Variants in SARNP observed in about 807,000 individuals in gnomAD.
The protein encoded by SARNP is SAP domain containing ribonucleoprotein, also known as SAP domain-containing ribonucleoprotein.
In SARNP, 5 loss-of-function variants were observed where a neutral mutation model predicts 38.1. The ratio of observed to expected loss-of-function variants is 0.13; its 90% confidence interval spans 0.07 to 0.28. The LOEUF is 0.28. SARNP is among the 10% of genes least tolerant of loss of function. The probability of loss-of-function intolerance (pLI) is 1.00; values close to 1 mark genes in which losing one functional copy is unlikely to be tolerated. For synonymous variants in SARNP, 84 were observed against 80.6 expected, an observed-to-expected ratio of 1.04 and a Z score of -0.23; for missense variants, 180 against 243.9, an observed-to-expected ratio of 0.74 and a Z score of 1.75.
At chr12:55,788,807 A>AAAAG (rs1215372576) in intron 9 of SARNP, among the ~76,000 whole-genome samples, 25 of 152,192 alleles carry the variant, frequency 1.6e-4, no homozygotes, top group African/African-American at 5.5e-4. Flanking sequence ...CAAAGGAAAA[A>AAAAG]AAAGAAAGAA....
Position 55,817,671 on chromosome 12 carries a change from G to C in SARNP, c.31C>G (p.Leu11Val). MATETVELHK[L>V]KLAELKQECL... Reference sequence around the variant, plus strand: ...CCTTCCCCGATTCACGGTACCTTTAGCTTATGGAGCTCCACCGTCTCGGTC... The same window carrying C: ...CCTTCCCCGATTCACGGTACCTTTACCTTATGGAGCTCCACCGTCTCGGTC... The change falls in exon 1 of 11, where the codon CTA becomes GTA. Residue 11 changes from leucine to valine, a missense_variant. Physicochemically the swap from Leu to Val is conservative, Grantham distance 32. Coordinates refer to ENST00000336133, the MANE Select transcript of SARNP (RefSeq NM_033082.4). The C allele has an allele frequency of 6.2e-7, 1 of 1,612,676 alleles. No homozygotes were observed.
intron 4 of SARNP, among the ~76,000 whole-genome samples, chr12:55,796,662 C>A (rs1017972473): frequency 1.3e-5 from 2 of 152,170 alleles, no homozygotes; most frequent in African/African-American, 4.8e-5. Flanking sequence ...CTCGGCCTCC[C>A]AAAGTACTGG....
chr12:55,795,360 T>G (rs1879791112), intron 5 of SARNP, among the ~76,000 whole-genome samples: 1 of 152,102 alleles, frequency 6.6e-6, no homozygotes. Context: ...TGCTAGGACT[T>G]AACGGCCCTT....
intron 9 of SARNP, among the ~76,000 whole-genome samples, chr12:55,767,708 A>G (rs147093266): frequency 0.046 from 6,948 of 151,692 alleles, 205 homozygotes; most frequent in East Asian, 0.11. Context: ...TTAGCCAGGC[A>G]TGGTGGCGGG....
At chr12:55,799,345 G>C (rs756115075) in intron 4 of SARNP, among the ~76,000 whole-genome samples, 22 of 152,166 alleles carry the variant, frequency 1.4e-4, no homozygotes, top group Non-Finnish European at 3.2e-4. Flanking sequence ...AAAATGGCCA[G>C]ACATTTGTGG....
At chr12:55,810,198 G>A (rs1191868798) in intron 1 of SARNP, among the ~76,000 whole-genome samples, 2 of 151,990 alleles carry the variant, frequency 1.3e-5, no homozygotes, top group South Asian at 2.1e-4. Context: ...CTGCAGCCTC[G>A]ACCTCCTGGG....
intron 1 of SARNP, among the ~76,000 whole-genome samples, chr12:55,807,178 A>T (rs1212260621): frequency 1.3e-5 from 2 of 152,190 alleles, no homozygotes; most frequent in Non-Finnish European, 1.5e-5. Context: ...TAACAATAAA[A>T]ATCAATTACT....
At chr12:55,814,721 T>G (rs993111291) in intron 1 of SARNP, among the ~76,000 whole-genome samples, 1 of 151,764 alleles carries the variant, frequency 6.6e-6, no homozygotes, top group Non-Finnish European at 1.5e-5. Context: ...ATACAAAAAT[T>G]AGCCAGGCAT....
Position 55,797,117 on chromosome 12 carries a change from C to T in SARNP, c.252-1041G>A, listed in dbSNP as rs573517109. ...AAGGTCCCTCATTTAGAGACATGGG[C>T]AGCTTTTGTTCCAATATCCTGAACA... On this transcript the variant is annotated intron_variant, in intron 4 of 10. Transcript: ENST00000336133. Among the ~76,000 whole-genome samples, 6 of 152,328 alleles carry T rather than the reference C, an allele frequency of 3.9e-5. No individual in the cohort carries two copies. The East Asian group carries it at 1.2e-3, about 29-fold the overall frequency.
At chr12:55,779,511 C>G (rs1432899279) in intron 9 of SARNP, among the ~76,000 whole-genome samples, 4 of 152,174 alleles carry the variant, frequency 2.6e-5, no homozygotes, top group African/African-American at 9.7e-5. Flanking sequence ...ATTCTTCTAC[C>G]ACTACTTCCT....
chr12:55,810,751 C>A (rs1429819605), intron 1 of SARNP, among the ~76,000 whole-genome samples: 1 of 151,532 alleles, frequency 6.6e-6, no homozygotes, highest in Non-Finnish European at 1.5e-5. Flanking sequence ...CCACACCCGG[C>A]CAAATTTTGA....
At chr12:55,785,518 G>GGT (rs1424444608) in intron 9 of SARNP, among the ~76,000 whole-genome samples, 1 of 151,466 alleles carries the variant, frequency 6.6e-6, no homozygotes, top group Non-Finnish European at 1.5e-5. Context: ...GGCCATGTGC[G>GGT]GTGGCTCACG....
At chr12:55,798,827 C>G (rs969020062) in intron 4 of SARNP, among the ~76,000 whole-genome samples, 1 of 152,122 alleles carries the variant, frequency 6.6e-6, no homozygotes, top group Non-Finnish European at 1.5e-5. Flanking sequence ...TTTGTATATA[C>G]TTGTAATTTC....
intron 9 of SARNP, among the ~76,000 whole-genome samples, chr12:55,786,081 A>G (rs1879484281): frequency 6.6e-6 from 1 of 152,242 alleles, no homozygotes; most frequent in African/African-American, 2.4e-5. Context: ...TCTGTGGACT[A>G]AAAATGAAAA....
At chr12:55,763,728 C>G (rs1878745449) in intron 9 of SARNP, among the ~76,000 whole-genome samples, 1 of 152,178 alleles carries the variant, frequency 6.6e-6, no homozygotes, top group Admixed American at 6.5e-5. Flanking sequence ...GCTGGGATTA[C>G]AGGTGTGAGC....
intron 1 of SARNP, among the ~76,000 whole-genome samples, chr12:55,814,856 G>A (rs1176827095): frequency 6.7e-6 from 1 of 149,830 alleles, no homozygotes; most frequent in East Asian, 1.9e-4. Flanking sequence ...GCGACAGAGC[G>A]AGACTCCATC....
At chr12:55,779,787 TATA>T (rs1306445793) in intron 9 of SARNP, among the ~76,000 whole-genome samples, 1 of 152,154 alleles carries the variant, frequency 6.6e-6, no homozygotes, top group Non-Finnish European at 1.5e-5. Context: ...AAACCCTATA[TATA>T]CTATGATTTT....
chr12:55,812,405 T>C (rs547850900), intron 1 of SARNP, among the ~76,000 whole-genome samples: 1 of 152,354 alleles, frequency 6.6e-6, no homozygotes, highest in South Asian at 2.1e-4. Flanking sequence ...ACAAGCTCTA[T>C]GAGAGCAAGG....
At chr12:55,803,171 T>TGTACAACCTAAGATGTAGGTTGTACAAGA (rs1880035025) in intron 2 of SARNP, among the ~76,000 whole-genome samples, 1 of 152,044 alleles carries the variant, frequency 6.6e-6, no homozygotes, top group East Asian at 1.9e-4. Context: ...ATAGAGGACT[T>TGTACAACCTAAGATGTAGGTTGTACAAGA]GTACAACCTA....
Sources: gnomAD v4.1 joint callset for allele counts (sites outside exome capture counted in the v4.1 genomes callset) on GRCh38, gnomAD v4.1.1 for gene constraint, MANE v1.5 for transcripts, NCBI Gene and HGNC (gene_info 2026-07-23, HGNC 2026-07-21) for gene names.